The following NRXN3 variants were observed in gnomAD, a reference collection of about 807,000 sequenced individuals.
NRXN3 encodes the protein neurexin III.
Under a neutral mutation model 137.6 loss-of-function variants are expected in NRXN3, and 32 were observed. The ratio of observed to expected loss-of-function variants is 0.23; its 90% confidence interval spans 0.18 to 0.31. The LOEUF (loss-of-function observed/expected upper bound fraction) is 0.31. NRXN3 is among the 10% of genes least tolerant of loss of function. The probability of loss-of-function intolerance (pLI) is 1.00; values close to 1 mark genes in which losing one functional copy is unlikely to be tolerated. For synonymous variants in NRXN3, 798 were observed against 784.5 expected (o/e 1.02, Z -0.29); for missense variants, 1,574 against 2,062.5 (o/e 0.76, Z 4.59).
intron 19 of NRXN3, among the ~76,000 whole-genome samples, chr14:79,786,802 T>C (rs1206945155): frequency 6.6e-6 from 1 of 152,234 alleles, no homozygotes; most frequent in Non-Finnish European, 1.5e-5. Flanking sequence ...TTTATCTTAA[T>C]GGACTCAGAG....
intron 15 of NRXN3, among the ~76,000 whole-genome samples, chr14:79,102,866 T>C (rs1292185716): frequency 2.6e-5 from 4 of 151,982 alleles, no homozygotes; most frequent in African/African-American, 9.7e-5. Context: ...GAAAAAATGG[T>C]AGTAAGTGAG....
chr14:78,318,783 A>G (rs2078998914), intron 4 of NRXN3, among the ~76,000 whole-genome samples: 1 of 152,204 alleles, frequency 6.6e-6, no homozygotes, highest in East Asian at 1.9e-4. Flanking sequence ...GGATGTGGTT[A>G]TCAGGTTCTT....
chr14:79,672,426 T>G (rs1048842790), intron 17 of NRXN3, among the ~76,000 whole-genome samples: 6 of 152,088 alleles, frequency 3.9e-5, no homozygotes, highest in Admixed American at 6.6e-5. Flanking sequence ...AATAATATCT[T>G]TCAAGATTAG....
chr14:78,621,655 T>C (rs984746842), intron 4 of NRXN3, among the ~76,000 whole-genome samples: 1 of 152,188 alleles, frequency 6.6e-6, no homozygotes, highest in Admixed American at 6.5e-5. Flanking sequence ...TTAGGAGGCA[T>C]TAGTGTAATT....
intron 15 of NRXN3, among the ~76,000 whole-genome samples, chr14:79,349,005 A>G (rs2093054355): frequency 6.6e-6 from 1 of 152,150 alleles, no homozygotes. Context: ...CTTTTTATGG[A>G]TTTATTTCTA....
At chr14:78,810,560 CTCT>C (rs2098906698) in intron 10 of NRXN3, among the ~76,000 whole-genome samples, 2 of 152,006 alleles carry the variant, frequency 1.3e-5, no homozygotes, top group East Asian at 3.9e-4. Context: ...GGCAGGTCCT[CTCT>C]TCTTTCCTTG....
rs11387026 is a variant in NRXN3 at position 78,824,103 on chromosome 14, CTTTTTTTTTT to C, written c.2275+13772_2275+13781del. Reference sequence around the variant, plus strand: ...CAATAAAGAAATGGGTCACCTGCTTCTTTTTTTTTTTTTTTTTTTTTTCCAGAGCTGGTTT... The same window carrying C: ...CAATAAAGAAATGGGTCACCTGCTTCTTTTTTTTTTTTCCAGAGCTGGTTT... On this transcript the variant is annotated intron_variant, in intron 10 of 20. Coordinates refer to ENST00000335750, the MANE Select transcript of NRXN3 (RefSeq NM_001330195.2). Among the ~76,000 whole-genome samples, 44 of 98,950 alleles carry C rather than the reference CTTTTTTTTTT, an allele frequency of 4.4e-4. 1 individual carries two copies. In the East Asian group the frequency reaches 0.014, roughly 31 times the overall value. 64.9% of individuals were successfully genotyped at this position (98,950 alleles called of 152,430 possible). A position where few individuals can be genotyped will look rare whatever the true frequency, so the allele number is the denominator to read the frequency against.
intron 15 of NRXN3, among the ~76,000 whole-genome samples, chr14:79,423,586 T>C (rs2095612952): frequency 6.6e-6 from 1 of 152,220 alleles, no homozygotes; most frequent in Admixed American, 6.5e-5. Context: ...ACTGCTTTAA[T>C]GTGAATTGCA....
intron 10 of NRXN3, among the ~76,000 whole-genome samples, chr14:78,927,143 A>G (rs2099307769): frequency 1.2e-5 from 1 of 86,636 alleles, no homozygotes; most frequent in Non-Finnish European, 2.0e-5. Context: ...TGTTGGAGTG[A>G]GACCCTCAAA....
intron 15 of NRXN3, among the ~76,000 whole-genome samples, chr14:79,455,705 A>G (rs1669148274): frequency 1.3e-5 from 2 of 151,928 alleles, no homozygotes; most frequent in South Asian, 4.2e-4. Context: ...AATCTTTTCT[A>G]TTGTGATGGT....
At chr14:79,562,704 A>G (rs2097510825) in intron 16 of NRXN3, among the ~76,000 whole-genome samples, 1 of 152,194 alleles carries the variant, frequency 6.6e-6, no homozygotes, top group Non-Finnish European at 1.5e-5. Context: ...CCATCAGCTT[A>G]GAAGTTAAAA....
chr14:79,594,706 T>C (rs1330685960), intron 16 of NRXN3, among the ~76,000 whole-genome samples: 1 of 151,668 alleles, frequency 6.6e-6, no homozygotes, highest in Non-Finnish European at 1.5e-5. Flanking sequence ...AAAATATATA[T>C]ATATAAAGGT....
intron 15 of NRXN3, among the ~76,000 whole-genome samples, chr14:79,069,697 C>T (rs2099685116): frequency 6.6e-6 from 1 of 152,064 alleles, no homozygotes; most frequent in African/African-American, 2.4e-5. Context: ...ATTTGAGTCT[C>T]AAGATCTGGC....
intron 4 of NRXN3, among the ~76,000 whole-genome samples, chr14:78,420,951 A>C (rs1233663415): frequency 6.6e-6 from 1 of 152,212 alleles, no homozygotes; most frequent in African/African-American, 2.4e-5. Flanking sequence ...GTTGGAGAGC[A>C]TGATGTGTGC....
chr14:79,397,999 AC>A (rs2095075089), intron 15 of NRXN3, among the ~76,000 whole-genome samples: 1 of 152,186 alleles, frequency 6.6e-6, no homozygotes, highest in South Asian at 2.1e-4. Context: ...TTAAAAAAGG[AC>A]CCTGAGATCA....
chr14:78,957,470 C>T lies in NRXN3; in HGVS notation c.2395+109C>T, dbSNP rs1053092448. 1.1e-5 allele frequency: 14 copies of T among 1,282,076 alleles called. No homozygotes were observed. In the African/African-American group the frequency reaches 1.8e-4, roughly 17 times the overall value. 79.4% of individuals were successfully genotyped at this position (1,282,076 alleles called of 1,614,324 possible). On this transcript the variant is annotated intron_variant, in intron 11 of 20. Coordinates refer to ENST00000335750, the MANE Select transcript of NRXN3 (RefSeq NM_001330195.2). ...CTTTTATTTTGCATAGTAGAAGTCA[C>T]AAATCATGTTTTCTGTTGACAAACT...
rs1352280341 is a variant in NRXN3, at chr14:79,806,995, T to G, written c.4093+1805T>G. 3.9e-5 allele frequency among the ~76,000 whole-genome samples: 4 copies of G among 102,174 alleles called. No homozygotes were observed. The East Asian group carries it at 1.2e-3, about 30-fold the overall frequency. 67.0% of individuals were successfully genotyped at this position (102,174 alleles called of 152,430 possible). ...TTTTTTTTTTTTTTTTTTTTTTTTTTGAGATAGGGTCTCACTCTGTCACCT... is the reference window on the plus strand; with the variant it reads ...TTTTTTTTTTTTTTTTTTTTTTTTTGGAGATAGGGTCTCACTCTGTCACCT... On this transcript the variant is annotated intron_variant, in intron 20 of 20. Transcript: ENST00000335750.
intron 4 of NRXN3, among the ~76,000 whole-genome samples, chr14:78,435,248 G>A (rs77363365): frequency 0.054 from 8,256 of 152,246 alleles, 558 homozygotes; most frequent in African/African-American, 0.15. Flanking sequence ...GTTCTTGGAA[G>A]GAAAGCTTTG....
At chr14:78,333,423 T>A (rs576380890) in intron 4 of NRXN3, among the ~76,000 whole-genome samples, 1 of 152,328 alleles carries the variant, frequency 6.6e-6, no homozygotes, top group African/African-American at 2.4e-5. Context: ...AAAATATTCC[T>A]GCCTTTGTCG....
Sources: gnomAD v4.1 joint callset for allele counts (sites outside exome capture counted in the v4.1 genomes callset) on GRCh38, gnomAD v4.1.1 for gene constraint, MANE v1.5 for transcripts, NCBI Gene and HGNC (gene_info 2026-07-23, HGNC 2026-07-21) for gene names.